Variants in RBM6 observed in about 807,000 individuals in gnomAD.
The protein encoded by RBM6 is RNA-binding protein 6.
A neutral mutation model predicts 140.4 loss-of-function variants in RBM6; 23 were observed. That is an observed-to-expected ratio of 0.16 (90% CI 0.12 to 0.23). The LOEUF (loss-of-function observed/expected upper bound fraction) is 0.23, where lower values mean the gene tolerates loss of function less well. Ranked by LOEUF, RBM6 falls within the 10% of genes least tolerant of loss-of-function variation. The probability of loss-of-function intolerance (pLI) is 1.00; values close to 1 mark genes in which losing one functional copy is unlikely to be tolerated. For missense variants in RBM6, 1,139 were observed against 1,386.7 expected, an observed-to-expected ratio of 0.82 and a Z score of 2.84; for synonymous variants, 439 against 475.6, an observed-to-expected ratio of 0.92 and a Z score of 1.00.
chr3:50,021,972 C>T (rs1242743752), intron 6 of RBM6, among the ~76,000 whole-genome samples: 2 of 151,066 alleles, frequency 1.3e-5, no homozygotes, highest in Non-Finnish European at 3.0e-5. Context: ...ATCGCTTGAG[C>T]CCGGGAGGTC....
intron 5 of RBM6, among the ~76,000 whole-genome samples, chr3:49,993,938 A>T (rs117427860): frequency 1.3e-5 from 2 of 152,226 alleles, no homozygotes; most frequent in African/African-American, 2.4e-5. Flanking sequence ...GTGAAACTCC[A>T]TCTCAAATAA....
chr3:49,986,247 G>A (rs1005342802), intron 5 of RBM6, among the ~76,000 whole-genome samples: 1 of 150,360 alleles, frequency 6.7e-6, no homozygotes, highest in African/African-American at 2.4e-5. Flanking sequence ...ATTCGTCTCA[G>A]ACTCCCAAAG....
intron 6 of RBM6, among the ~76,000 whole-genome samples, chr3:50,046,303 G>A (rs1359303010): frequency 6.6e-6 from 1 of 150,544 alleles, no homozygotes; most frequent in Non-Finnish European, 1.5e-5. Flanking sequence ...AAGACGGCCA[G>A]GCGCAGTGGC....
chr3:50,022,074 C>G (rs565865977), intron 6 of RBM6, among the ~76,000 whole-genome samples: 1 of 151,988 alleles, frequency 6.6e-6, no homozygotes, highest in East Asian at 1.9e-4. Context: ...AAAAAGAAAT[C>G]AGCATATTTT....
rs751604271 is a variant in RBM6 at position 49,982,262 on chromosome 3, C to CTTTTTTTTTTT, written c.1483+6888_1483+6898dup. 3.5e-3 allele frequency among the ~76,000 whole-genome samples: 241 copies of CTTTTTTTTTTT among 68,402 alleles called. 6 individuals carry two copies. The highest frequency in any genetic ancestry group is 0.018 in the Middle Eastern group (1 of 56). The allele number at this position is 68,402 out of a possible 152,430, so 44.9% of individuals were successfully genotyped here. On this transcript the variant is annotated intron_variant, in intron 5 of 20. Transcript: ENST00000266022. ...GTACCTTCTGCATTTCTTTTCTTTT[C>CTTTTTTTTTTT]TTTTTTTTTTTTTTTTTTTTTTTTT...
chr3:50,001,911 T>C (rs1220115809), intron 6 of RBM6, among the ~76,000 whole-genome samples: 2 of 152,200 alleles, frequency 1.3e-5, no homozygotes, highest in Non-Finnish European at 2.9e-5. Context: ...GTGGCAATTT[T>C]AGAGGGGTGG....
chr3:50,043,012 C>G (rs577332459), intron 6 of RBM6, among the ~76,000 whole-genome samples: 1 of 152,290 alleles, frequency 6.6e-6, no homozygotes, highest in African/African-American at 2.4e-5. Flanking sequence ...GTGCAAATAT[C>G]TAGCTTTTTG....
chr3:50,037,660 A>G (rs558614883), intron 6 of RBM6, among the ~76,000 whole-genome samples: 1 of 152,132 alleles, frequency 6.6e-6, no homozygotes, highest in African/African-American at 2.4e-5. Flanking sequence ...TTCCCATTAA[A>G]AAATTTTGTT....
chr3:50,045,803 T>C (rs543035348), intron 6 of RBM6, among the ~76,000 whole-genome samples: 18 of 152,318 alleles, frequency 1.2e-4, no homozygotes, highest in African/African-American at 4.3e-4. Flanking sequence ...ATGAATTTAC[T>C]TAATCTTCAC....
intron 4 of RBM6, among the ~76,000 whole-genome samples, chr3:49,972,466 T>TA (rs1207461135): frequency 6.6e-6 from 1 of 152,230 alleles, no homozygotes; most frequent in African/African-American, 2.4e-5. Flanking sequence ...TAGAGCATAT[T>TA]ATTTCTGGAG....
chr3:50,065,119 C>A lies in RBM6; in HGVS notation c.2675C>A (p.Pro892His), dbSNP rs1430751919. Residue 892 changes from proline to histidine, a missense_variant, in exon 16 of 21, where the codon CCC (proline) becomes CAC (histidine). This residue lies in a region of RBM6 where 163 missense variants were observed against 182.8 expected (regional missense o/e 0.89). Coordinates refer to ENST00000266022, the MANE Select transcript of RBM6 (RefSeq NM_005777.3). ...LPPTVKKEES[P>H]PPPKVVNPLI... ...CCTACTGTGAAGAAGGAAGAGAGTC[C>A]CCCTCCAGTAAGACCAACATTGATC... 4 of 1,609,880 alleles carry A rather than the reference C, an allele frequency of 2.5e-6. No homozygotes were observed. The South Asian group carries it at 4.4e-5, about 18-fold the overall frequency.
At chr3:50,017,293 C>T (rs2087214333) in intron 6 of RBM6, among the ~76,000 whole-genome samples, 1 of 152,154 alleles carries the variant, frequency 6.6e-6, no homozygotes, top group Admixed American at 6.5e-5. Context: ...CACAGTGGCT[C>T]ACGCCTGTAA....
chr3:50,061,465 C>T lies in RBM6; in HGVS notation c.2357C>T (p.Ser786Leu), dbSNP rs1340671519. 6.3e-7 allele frequency: 1 copy of T among 1,589,188 alleles called. No homozygotes were observed. The highest frequency in any genetic ancestry group is 1.9e-5 in the Admixed American group (1 of 52,524). The part of the protein sequence containing the change: ...SDTNRQGQQS[S>L]SDCYIYDSAT... ...GCTCTGATCTTGTTACCTTTAGCAT[C>T]ATCTGACTGCTACATATATGATTCT... is the stretch of plus-strand genomic sequence containing the variant. The change falls in exon 14 of 21, where the codon TCA becomes TTA. Residue 786 changes from serine to leucine, a missense_variant. Ser to Leu is a moderately radical substitution (Grantham distance 145). This residue lies in a region of RBM6 where 163 missense variants were observed against 182.8 expected (regional missense o/e 0.89). Coordinates refer to ENST00000266022, the MANE Select transcript of RBM6 (RefSeq NM_005777.3).
intron 6 of RBM6, among the ~76,000 whole-genome samples, chr3:50,015,606 A>AT (rs1360848880): frequency 2.1e-5 from 3 of 144,884 alleles, no homozygotes; most frequent in South Asian, 4.4e-4. Flanking sequence ...AATTTTTTGA[A>AT]TTTTTTTAGT....
At position 49,974,206 on chromosome 3, in the gene RBM6, C is replaced by A. The variant is rs1323969467; in HGVS notation, c.1414-1117C>A. Reference sequence around the variant, plus strand: ...GCCACCGCTTCTGGCCCTGCTTTTCCTATGTACCTGAGAATTTTTAAATAT... The same window carrying A: ...GCCACCGCTTCTGGCCCTGCTTTTCATATGTACCTGAGAATTTTTAAATAT... On this transcript the variant is annotated intron_variant, in intron 4 of 20. Coordinates refer to ENST00000266022, the MANE Select transcript of RBM6 (RefSeq NM_005777.3). 2.6e-5 allele frequency among the ~76,000 whole-genome samples: 4 copies of A among 151,312 alleles called. No individual in the cohort carries two copies. The East Asian group carries it at 7.9e-4, about 30-fold the overall frequency.
intron 1 of RBM6, among the ~76,000 whole-genome samples, chr3:49,949,537 C>T (rs1473005564): frequency 2.0e-5 from 3 of 152,030 alleles, no homozygotes; most frequent in Admixed American, 1.3e-4. Flanking sequence ...GGACTACAGG[C>T]GCCTGTCACC....
At chr3:49,953,834 A>T (rs1244989585) in intron 1 of RBM6, among the ~76,000 whole-genome samples, 2 of 150,858 alleles carry the variant, frequency 1.3e-5, no homozygotes, top group African/African-American at 4.9e-5. Context: ...CTGACTAATT[A>T]AAAAAAAAAT....
chr3:49,958,073 A>G (rs561597014), intron 1 of RBM6, among the ~76,000 whole-genome samples: 2 of 152,146 alleles, frequency 1.3e-5, no homozygotes, highest in South Asian at 4.1e-4. Context: ...CTCAGGTGTG[A>G]GCCACCGCAC....
At chr3:50,074,229 C>A (rs1430736384) in intron 19 of RBM6, among the ~76,000 whole-genome samples, 1 of 152,160 alleles carries the variant, frequency 6.6e-6, no homozygotes. Flanking sequence ...TACACAAACT[C>A]CTTATTTCGA....
Sources: gnomAD v4.1 joint callset for allele counts (sites outside exome capture counted in the v4.1 genomes callset) on GRCh38, gnomAD v4.1.1 for gene constraint, gnomAD v4.1.1 regional missense constraint, MANE v1.5 for transcripts, NCBI Gene and HGNC (gene_info 2026-07-23, HGNC 2026-07-21) for gene names.